Variants in KATNAL2 observed in about 807,000 individuals in gnomAD.
KATNAL2 encodes katanin catalytic subunit A1 like 2, also known as katanin p60 ATPase-containing subunit A-like 2.
Under a neutral mutation model 76.3 loss-of-function variants are expected in KATNAL2, and 52 were observed. The observed-to-expected ratio is 0.68, with a 90% CI of 0.55 to 0.86. The LOEUF (loss-of-function observed/expected upper bound fraction) is 0.86, where lower values mean the gene tolerates loss of function less well. KATNAL2 is among the 40% of genes least tolerant of loss of function. KATNAL2 has a pLI of 0.00. For synonymous variants in KATNAL2, 243 were observed against 244.2 expected, an observed-to-expected ratio of 1.00 and a Z score of 0.05; for missense variants, 660 against 668.9, an observed-to-expected ratio of 0.99 and a Z score of 0.15.
chr18:47,095,356 G>A (rs2063184933), intron 15 of KATNAL2, among the ~76,000 whole-genome samples: 1 of 152,124 alleles, frequency 6.6e-6, no homozygotes, highest in African/African-American at 2.4e-5. Context: ...TGTCAAGGAC[G>A]GGACCAGGTG....
In KATNAL2 at chr18:47,101,742, C is replaced by T. The variant is rs868788673; in HGVS notation, c.*737C>T. The T allele has an allele frequency of 2.6e-5, 4 of 152,218 alleles. No individual in the cohort carries two copies. The highest frequency in any genetic ancestry group is 4.8e-5 in the African/African-American group (2 of 41,392). 9.4% of individuals were successfully genotyped at this position (152,218 alleles called of 1,614,324 possible). ...TGCTCTGCCCTTCTCTTTCCATTGC[C>T]GCAGCTTCTCATCAGATCCAAAGCT... is the stretch of plus-strand genomic sequence containing the variant. On this transcript the variant is annotated 3_prime_UTR_variant, in exon 18 of 18. Coordinates refer to ENST00000683218, the MANE Select transcript of KATNAL2 (RefSeq NM_001387690.1).
At chr18:46,955,203 C>T (rs534984103) in intron 3 of KATNAL2, among the ~76,000 whole-genome samples, 197 of 85,378 alleles carry the variant, frequency 2.3e-3, no homozygotes, top group Non-Finnish European at 4.2e-3. Flanking sequence ...CTTTTTCTTT[C>T]TCTCTCTCTC....
intron 15 of KATNAL2, among the ~76,000 whole-genome samples, chr18:47,097,969 T>C (rs900249882): frequency 1.2e-4 from 18 of 152,320 alleles, no homozygotes; most frequent in Admixed American, 8.5e-4. Flanking sequence ...CATAATGATA[T>C]TGTGGCTATG....
chr18:47,062,957 A>G lies in KATNAL2; in HGVS notation c.550-15A>G. 1 of 1,602,246 alleles carries G rather than the reference A, an allele frequency of 6.2e-7. No individual in the cohort carries two copies. Among genetic ancestry groups the G allele is most frequent in the Non-Finnish European group, 8.6e-7 (1 of 1,169,400 alleles). On this transcript the variant is annotated splice_polypyrimidine_tract_variant and intron_variant, in intron 8 of 17. Coordinates refer to ENST00000683218, the MANE Select transcript of KATNAL2 (RefSeq NM_001387690.1). ...TTATGTTCTCATGGCATAAATAACC[A>G]TTCCTCCCTTTCAGGGCCAAATCAT... is the stretch of plus-strand genomic sequence containing the variant.
In KATNAL2 at chr18:46,944,881, C is replaced by T. The variant is rs376435703; in HGVS notation, c.-509-1176C>T. On this transcript the variant is annotated intron_variant, in intron 1 of 17. Coordinates refer to ENST00000683218, the MANE Select transcript of KATNAL2 (RefSeq NM_001387690.1). ...GGCGGAGGTTGCAGTGAACCAAGATCGTGCAACTGCACTCCAGCCTGGGCA... is the reference window on the plus strand; with the variant it reads ...GGCGGAGGTTGCAGTGAACCAAGATTGTGCAACTGCACTCCAGCCTGGGCA... Among the ~76,000 whole-genome samples, 13 of 152,090 alleles carry T rather than the reference C, an allele frequency of 8.5e-5. No individual in the cohort carries two copies. In the South Asian group the frequency reaches 1.2e-3, roughly 15 times the overall value.
chr18:46,922,608 A>G (rs1033064622), intron 1 of KATNAL2, among the ~76,000 whole-genome samples: 3 of 151,936 alleles, frequency 2.0e-5, no homozygotes, highest in African/African-American at 7.2e-5. Flanking sequence ...AGCCTGACCA[A>G]CGTGGTGAAA....
chr18:47,034,175 G>C (rs1569053292), intron 3 of KATNAL2: 1 of 1,614,196 alleles, frequency 6.2e-7, no homozygotes, highest in Non-Finnish European at 8.5e-7. Context: ...ACCTCAGAGA[G>C]GGAGCTCACG....
chr18:46,960,332 G>A (rs541508562), intron 3 of KATNAL2, among the ~76,000 whole-genome samples: 3 of 152,060 alleles, frequency 2.0e-5, no homozygotes, highest in South Asian at 2.1e-4. Context: ...CCAGCTACTC[G>A]GGAGGCTAAT....
At chr18:47,055,702 T>C (rs1390762802) in intron 6 of KATNAL2, among the ~76,000 whole-genome samples, 1 of 152,226 alleles carries the variant, frequency 6.6e-6, no homozygotes, top group Admixed American at 6.5e-5. Flanking sequence ...TGCATAGAAA[T>C]CATGAGGAGC....
At chr18:47,034,500 C>A (rs1346988973) in intron 3 of KATNAL2, 4 of 1,614,058 alleles carry the variant, frequency 2.5e-6, no homozygotes, top group African/African-American at 2.7e-5. Context: ...TTAAGCAGGC[C>A]CCGCATGATT....
chr18:46,931,160 C>T (rs576004848), intron 1 of KATNAL2, among the ~76,000 whole-genome samples: 1 of 121,296 alleles, frequency 8.2e-6, no homozygotes, highest in Non-Finnish European at 1.8e-5. Context: ...ATTAGCCAGG[C>T]GTGGTGACAT....
At chr18:47,094,764 A>G (rs936561154) in intron 15 of KATNAL2, among the ~76,000 whole-genome samples, 1 of 152,194 alleles carries the variant, frequency 6.6e-6, no homozygotes, top group African/African-American at 2.4e-5. Context: ...TAGTCTAGGG[A>G]TAGTCGGTAT....
At chr18:46,933,620 T>C (rs1159940642) in intron 1 of KATNAL2, among the ~76,000 whole-genome samples, 6 of 152,090 alleles carry the variant, frequency 3.9e-5, no homozygotes, top group Non-Finnish European at 7.4e-5. Context: ...TCAGCCTAAA[T>C]GTCAAAATAT....
chr18:46,927,989 A>T (rs2058781536), intron 1 of KATNAL2, among the ~76,000 whole-genome samples: 1 of 151,552 alleles, frequency 6.6e-6, no homozygotes, highest in Non-Finnish European at 1.5e-5. Context: ...CATTCGTCTA[A>T]TTTTTTTTCA....
intron 1 of KATNAL2, chr18:46,920,028 AAAAG>A: frequency 7.8e-7 from 1 of 1,284,230 alleles, no homozygotes; most frequent in African/African-American, 1.5e-5. Context: ...AAACAGTAAG[AAAAG>A]AAAAGCAAAG....
intron 1 of KATNAL2, among the ~76,000 whole-genome samples, chr18:46,944,746 A>G (rs967855659): frequency 6.6e-6 from 1 of 152,084 alleles, no homozygotes; most frequent in Non-Finnish European, 1.5e-5. Flanking sequence ...AAATAAATAA[A>G]TAAATAAAAA....
At chr18:47,089,647 T>G (rs1022693767) in intron 15 of KATNAL2, among the ~76,000 whole-genome samples, 1 of 152,216 alleles carries the variant, frequency 6.6e-6, no homozygotes, top group African/African-American at 2.4e-5. Context: ...CCCAGCCACA[T>G]GGGTTCAATG....
intron 3 of KATNAL2, among the ~76,000 whole-genome samples, chr18:46,956,441 G>GCT (rs960197817): frequency 5.3e-5 from 8 of 152,166 alleles, no homozygotes; most frequent in African/African-American, 1.7e-4. Context: ...TTGATGAGCT[G>GCT]CTCTCTCTCT....
At chr18:47,083,748 G>A (rs2062639264) in intron 15 of KATNAL2, among the ~76,000 whole-genome samples, 1 of 152,186 alleles carries the variant, frequency 6.6e-6, no homozygotes, top group Admixed American at 6.5e-5. Flanking sequence ...AGTAAACACA[G>A]TTAGAATTTG....
Sources: allele counts gnomAD v4.1 joint callset (sites outside exome capture counted in the v4.1 genomes callset), GRCh38; gene constraint gnomAD v4.1.1; transcripts MANE v1.5; gene names NCBI Gene and HGNC (gene_info 2026-07-23, HGNC 2026-07-21).